The following MAP7 variants were observed in gnomAD, a reference collection of about 807,000 sequenced individuals.
The protein encoded by MAP7 is microtubule associated protein 7, also known as ensconsin.
Under a neutral mutation model 94.8 loss-of-function variants are expected in MAP7, and 52 were observed. That is an observed-to-expected ratio of 0.55 (90% CI 0.44 to 0.69). The LOEUF is 0.69. Among genes scored for constraint, MAP7 ranks in the 30% least tolerant of loss-of-function variants. The pLI is 0.00. For missense variants in MAP7, 940 were observed against 964.6 expected (o/e 0.97, Z 0.34); for synonymous variants, 350 against 357.0 (o/e 0.98, Z 0.22).
At chr6:136,428,999 A>G (rs73567636) in intron 1 of MAP7, among the ~76,000 whole-genome samples, 7 of 152,264 alleles carry the variant, frequency 4.6e-5, no homozygotes, top group African/African-American at 1.7e-4. Context: ...TCTTTTTACT[A>G]ATCATCTTAT....
In MAP7 at chr6:136,440,752, T is replaced by A. The variant is rs545086630; in HGVS notation, c.68-18953A>T. On this transcript the variant is annotated intron_variant, in intron 1 of 17. Transcript: ENST00000354570. ...AGCAGAGGATGGAGGTCCAAGGATA[T>A]AATACTCTCAAATGCCGGAGAGCCC... Among the ~76,000 whole-genome samples the A allele has an allele frequency of 8.5e-4, 129 of 151,884 alleles. 1 individual carries two copies. The highest frequency in any genetic ancestry group is 3.0e-3 in the African/African-American group (124 of 41,418).
At chr6:136,424,624 T>C (rs1792578471) in intron 1 of MAP7, among the ~76,000 whole-genome samples, 1 of 152,228 alleles carries the variant, frequency 6.6e-6, no homozygotes, top group Admixed American at 6.5e-5. Context: ...GCAATCCACA[T>C]CGTCTGCCAC....
intron 10 of MAP7, among the ~76,000 whole-genome samples, 190 bp from the exon 11 acceptor site, chr6:136,362,892 ATGTG>A (rs1793249856): frequency 6.6e-6 from 1 of 152,218 alleles, no homozygotes; most frequent in African/African-American, 2.4e-5. Context: ...AAAAATCAGT[ATGTG>A]TAAGTAAGAC....
At chr6:136,354,391 G>GATAT (rs201414594) in intron 16 of MAP7, among the ~76,000 whole-genome samples, 2 of 138,244 alleles carry the variant, frequency 1.4e-5, no homozygotes, top group African/African-American at 2.7e-5. Flanking sequence ...ATATATAGTA[G>GATAT]ATATATATAT....
At chr6:136,485,828 C>T (rs2128977225) in intron 1 of MAP7, among the ~76,000 whole-genome samples, 1 of 152,256 alleles carries the variant, frequency 6.6e-6, no homozygotes, top group South Asian at 2.1e-4. Context: ...TCCCAAAGTG[C>T]TGGGATTACA....
intron 1 of MAP7, among the ~76,000 whole-genome samples, chr6:136,546,257 C>A (rs1373740308): frequency 6.6e-6 from 1 of 151,808 alleles, no homozygotes; most frequent in Non-Finnish European, 1.5e-5. Context: ...ATGTGATCTG[C>A]CTGCTTCAGC....
chr6:136,452,805 G>A (rs1052702896), intron 1 of MAP7, among the ~76,000 whole-genome samples: 2 of 152,076 alleles, frequency 1.3e-5, no homozygotes, highest in Non-Finnish European at 2.9e-5. Flanking sequence ...TGCCCTCCTC[G>A]TCTTTCCAAA....
intron 6 of MAP7, among the ~76,000 whole-genome samples, chr6:136,380,123 A>C (rs1416062598): frequency 1.3e-5 from 2 of 152,210 alleles, no homozygotes; most frequent in African/African-American, 2.4e-5. Context: ...GATCCTATTT[A>C]AGCACTTAAA....
At chr6:136,385,052 T>C (rs530680426) in intron 5 of MAP7, among the ~76,000 whole-genome samples, 1 of 152,334 alleles carries the variant, frequency 6.6e-6, no homozygotes, top group African/African-American at 2.4e-5. Context: ...GTTACCTGCT[T>C]CTAAAACTAA....
intron 16 of MAP7, among the ~76,000 whole-genome samples, chr6:136,353,001 A>T (rs979004933): frequency 3.9e-5 from 6 of 152,254 alleles, no homozygotes; most frequent in African/African-American, 1.4e-4. Context: ...AGAATTTCTT[A>T]GGCTACATAT....
rs1262255093 is a variant in MAP7, at chr6:136,488,444, C to CTT, written c.67+61896_67+61897dup. On this transcript the variant is annotated intron_variant, in intron 1 of 17. Transcript: ENST00000354570. ...TTCTTGCTATGTGCCATGCTAGGTA[C>CTT]TTTTTTTTTTTTTTTTTTTGAGACG... is the stretch of plus-strand genomic sequence containing the variant. Among the ~76,000 whole-genome samples the CTT allele has an allele frequency of 1.2e-3, 165 of 133,388 alleles. 1 individual carries two copies. The highest frequency in any genetic ancestry group is 1.8e-3 in the Non-Finnish European group (110 of 62,624). The allele number at this position is 133,388 out of a possible 152,430, so 87.5% of individuals were successfully genotyped here.
At chr6:136,471,220 C>G (rs1416232254) in intron 1 of MAP7, among the ~76,000 whole-genome samples, 2 of 152,180 alleles carry the variant, frequency 1.3e-5, no homozygotes, top group Admixed American at 1.3e-4. Context: ...TTCACCCAGT[C>G]TATTATTTGA....
chr6:136,434,200 G>C (rs575792944), intron 1 of MAP7, among the ~76,000 whole-genome samples: 4 of 151,806 alleles, frequency 2.6e-5, no homozygotes, highest in Non-Finnish European at 5.9e-5. Flanking sequence ...CCAGCTACTC[G>C]GGAGGCTGAG....
intron 1 of MAP7, among the ~76,000 whole-genome samples, chr6:136,477,987 A>T (rs928887618): frequency 6.6e-6 from 1 of 152,228 alleles, no homozygotes; most frequent in African/African-American, 2.4e-5. Context: ...ATAAAACTAG[A>T]AACCAATAGC....
chr6:136,460,354 A>C (rs76068170), intron 1 of MAP7, among the ~76,000 whole-genome samples: 340 of 152,296 alleles, frequency 2.2e-3, no homozygotes, highest in South Asian at 9.7e-3. Context: ...TGAAGAAATT[A>C]TGGATGATGT....
chr6:136,391,446 A>T (rs1412302177), intron 3 of MAP7, among the ~76,000 whole-genome samples: 1 of 148,088 alleles, frequency 6.8e-6, no homozygotes, highest in Admixed American at 6.8e-5. Context: ...GATATACCTA[A>T]TGCTAGATGA....
At chr6:136,446,885 C>T (rs1370883440) in intron 1 of MAP7, among the ~76,000 whole-genome samples, 1 of 152,176 alleles carries the variant, frequency 6.6e-6, no homozygotes, top group Non-Finnish European at 1.5e-5. Context: ...GTCATTTCTA[C>T]ACAGAATAAC....
intron 1 of MAP7, among the ~76,000 whole-genome samples, chr6:136,477,344 T>C (rs966061790): frequency 6.6e-6 from 1 of 152,146 alleles, no homozygotes; most frequent in African/African-American, 2.4e-5. Context: ...AAAAATGTAA[T>C]ATCATGAACT....
chr6:136,410,181 C>T lies in MAP7; in HGVS notation c.244+1439G>A, dbSNP rs148130776. The stretch of plus-strand genomic sequence containing the variant: ...TTTAAACCATAAAGGAATGCTCTCC[C>T]GACCTATGGAACTCCTTCTATTCAA... On this transcript the variant is annotated intron_variant, in intron 3 of 17. Coordinates refer to ENST00000354570, the MANE Select transcript of MAP7 (RefSeq NM_003980.6). Among the ~76,000 whole-genome samples the T allele has an allele frequency of 1.2e-4, 19 of 152,240 alleles. No homozygotes were observed. The East Asian group carries it at 3.5e-3, about 28-fold the overall frequency.
Sources: gnomAD v4.1 joint callset for allele counts (sites outside exome capture counted in the v4.1 genomes callset) on GRCh38, gnomAD v4.1.1 for gene constraint, MANE v1.5 for transcripts, NCBI Gene and HGNC (gene_info 2026-07-23, HGNC 2026-07-21) for gene names.